Variants in PRDM16 observed in about 807,000 individuals in gnomAD.
The protein encoded by PRDM16 is histone-lysine N-methyltransferase PRDM16.
PRDM16 carries 23 observed loss-of-function variants against 110.6 expected under a neutral mutation model. The observed-to-expected ratio is 0.21, with a 90% confidence interval of 0.15 to 0.29. PRDM16 has a LOEUF of 0.29. Ranked by LOEUF, PRDM16 falls within the 10% of genes least tolerant of loss-of-function variation. The pLI, the probability that PRDM16 is intolerant of heterozygous loss-of-function variation, is 1.00. For synonymous variants in PRDM16, 799 were observed against 781.8 expected (o/e 1.02, Z -0.37); for missense variants, 1,615 against 1,794.3 (o/e 0.90, Z 1.81).
chr1:3,188,021 C>T (rs1473409905), intron 2 of PRDM16, among the ~76,000 whole-genome samples: 1 of 152,186 alleles, frequency 6.6e-6, no homozygotes, highest in Non-Finnish European at 1.5e-5. Context: ...GGGCCAGGGG[C>T]CCCAGTGAAG....
intron 1 of PRDM16, among the ~76,000 whole-genome samples, chr1:3,181,020 G>C (rs1356880660): frequency 0.043 from 5,417 of 126,886 alleles, 359 homozygotes; most frequent in Non-Finnish European, 0.065. Context: ...TCTTACAAAT[G>C]CGGTCTTACA....
chr1:3,322,214 T>C (rs1249402395), intron 3 of PRDM16, among the ~76,000 whole-genome samples: 1 of 151,540 alleles, frequency 6.6e-6, no homozygotes, highest in African/African-American at 2.4e-5. Context: ...CGTGTGTGTG[T>C]GAGCATGTGC....
intron 11 of PRDM16, among the ~76,000 whole-genome samples, 178 bp from the exon 12 acceptor site, chr1:3,418,489 C>T (rs149141706): frequency 2.6e-5 from 4 of 152,318 alleles, no homozygotes; most frequent in African/African-American, 9.6e-5. Flanking sequence ...TGGCAGCCTG[C>T]TCTGCAACTG....
intron 12 of PRDM16, chr1:3,424,924 GC>G: frequency 6.6e-6 from 1 of 152,420 alleles, no homozygotes; most frequent in African/African-American, 2.4e-5. Context: ...AGACCTGCCG[GC>G]CCCGCGGCCT....
At chr1:3,217,543 T>C (rs1388102438) in intron 2 of PRDM16, among the ~76,000 whole-genome samples, 1 of 152,280 alleles carries the variant, frequency 6.6e-6, no homozygotes, top group African/African-American at 2.4e-5. Context: ...CCTGGGAGCA[T>C]AAACTGGCCT....
intron 1 of PRDM16, among the ~76,000 whole-genome samples, chr1:3,078,508 G>A (rs763729687): frequency 3.3e-5 from 5 of 152,242 alleles, no homozygotes; most frequent in Non-Finnish European, 5.9e-5. Flanking sequence ...CTGCACTGGC[G>A]CGGAGGTGCC....
chr1:3,090,732 G>A (rs1034468613), intron 1 of PRDM16, among the ~76,000 whole-genome samples: 15 of 152,328 alleles, frequency 9.8e-5, no homozygotes, highest in African/African-American at 2.9e-4. Context: ...GCTGCACCAC[G>A]GCCTGACCCC....
At position 3,390,384 on chromosome 1, in the gene PRDM16, A is replaced by G. The variant is rs1643278231; in HGVS notation, c.573+5098A>G. Among the ~76,000 whole-genome samples, 1 of 152,148 alleles carries G rather than the reference A, an allele frequency of 6.6e-6. No individual in the cohort carries two copies. The highest frequency in any genetic ancestry group is 2.4e-5 in the African/African-American group (1 of 41,432). On this transcript the variant is annotated intron_variant, in intron 4 of 16. Coordinates refer to ENST00000270722, the MANE Select transcript of PRDM16 (RefSeq NM_022114.4). The surrounding 1 kb of genome is among the most constrained non-coding windows in gnomAD (Gnocchi z 5.0). ...ACCACGGAACGGCTGTAGGGCTCTC[A>G]AACGACCTGTAGCACCCCTGGATTG...
intron 3 of PRDM16, among the ~76,000 whole-genome samples, chr1:3,355,479 C>A (rs1642577002): frequency 6.6e-6 from 1 of 152,178 alleles, no homozygotes; most frequent in African/African-American, 2.4e-5. Context: ...TTGGTGCCAC[C>A]CTGGGGAGCT....
At chr1:3,114,548 A>ACG (rs1482540664) in intron 1 of PRDM16, among the ~76,000 whole-genome samples, 5 of 151,934 alleles carry the variant, frequency 3.3e-5, no homozygotes, top group African/African-American at 1.2e-4. Flanking sequence ...ACATGAACAC[A>ACG]CACACGTGCA....
At chr1:3,407,499 G>A (rs1006657273) in intron 8 of PRDM16, among the ~76,000 whole-genome samples, 5 of 152,182 alleles carry the variant, frequency 3.3e-5, no homozygotes, top group Non-Finnish European at 2.9e-5. Context: ...AGCACGGTGC[G>A]AGCTGGGCAG....
intron 3 of PRDM16, among the ~76,000 whole-genome samples, chr1:3,276,016 G>A (rs372607003): frequency 5.3e-5 from 8 of 152,240 alleles, no homozygotes; most frequent in Non-Finnish European, 1.0e-4. Flanking sequence ...CTCTCACGCC[G>A]TGGGTGCCAT....
intron 1 of PRDM16, among the ~76,000 whole-genome samples, chr1:3,127,572 A>G (rs1643236150): frequency 6.6e-6 from 1 of 152,224 alleles, no homozygotes; most frequent in Non-Finnish European, 1.5e-5. Context: ...TTCTGGTTTC[A>G]TTTTGGAAGA....
At chr1:3,416,380 C>T (rs1429256507) in intron 10 of PRDM16, among the ~76,000 whole-genome samples, 6 of 152,146 alleles carry the variant, frequency 3.9e-5, no homozygotes, top group African/African-American at 1.4e-4. Context: ...TAGTGGGCAG[C>T]CAGGGCTAGG....
At position 3,207,582 on chromosome 1, in the gene PRDM16, G is replaced by A. The variant is rs974603597; in HGVS notation, c.387+21108G>A. On this transcript the variant is annotated intron_variant, in intron 2 of 16. Coordinates refer to ENST00000270722, the MANE Select transcript of PRDM16 (RefSeq NM_022114.4). The stretch of plus-strand genomic sequence containing the variant: ...TGCACACCTGTCACCTGAGACACCC[G>A]TACTTGGCATTCGCTCTTCAAACAG... 13 of 152,278 alleles carry A rather than the reference G, an allele frequency of 8.5e-5. 1 individual carries two copies. Among genetic ancestry groups the A allele is most frequent in the African/African-American group, 1.2e-4 (5 of 41,448 alleles). 9.4% of individuals were successfully genotyped at this position (152,278 alleles called of 1,614,324 possible). A position where few individuals can be genotyped will look rare whatever the true frequency, so the allele number is the denominator to read the frequency against.
At chr1:3,337,139 A>G (rs10909933) in intron 3 of PRDM16, among the ~76,000 whole-genome samples, 1 of 150,278 alleles carries the variant, frequency 6.7e-6, no homozygotes, top group Non-Finnish European at 1.5e-5. Context: ...ATGCATGCAC[A>G]TATGTGTTGG....
chr1:3,200,299 G>C (rs909414440), intron 2 of PRDM16, among the ~76,000 whole-genome samples: 1 of 152,186 alleles, frequency 6.6e-6, no homozygotes, highest in African/African-American at 2.4e-5. Context: ...GCTCTACCGA[G>C]GCCCTTAGCC....
chr1:3,354,533 AG>A (rs1642556397), intron 3 of PRDM16, among the ~76,000 whole-genome samples: 1 of 151,702 alleles, frequency 6.6e-6, no homozygotes, highest in Non-Finnish European at 1.5e-5. Context: ...GGGGTCATCC[AG>A]GCCCTCAGCC....
At chr1:3,351,174 C>CG in intron 3 of PRDM16, among the ~76,000 whole-genome samples, 1 of 152,260 alleles carries the variant, frequency 6.6e-6, no homozygotes, top group South Asian at 2.1e-4. Context: ...CTGCTTCCCA[C>CG]GGGGTCCACC....
Sources: gnomAD v4.1 joint callset for allele counts (sites outside exome capture counted in the v4.1 genomes callset) on GRCh38, gnomAD v4.1.1 for gene constraint, Gnocchi (gnomAD v3.1) non-coding constraint, MANE v1.5 for transcripts, NCBI Gene and HGNC (gene_info 2026-07-23, HGNC 2026-07-21) for gene names.